The following CBFA2T3 variants were observed in gnomAD, a reference collection of about 807,000 sequenced individuals.
CBFA2T3 encodes the protein CBFA2/RUNX1 partner transcriptional co-repressor 3.
A neutral mutation model predicts 58.6 loss-of-function variants in CBFA2T3; 31 were observed. The ratio of observed to expected loss-of-function variants is 0.53; its 90% CI spans 0.40 to 0.71. The LOEUF (loss-of-function observed/expected upper bound fraction) is 0.71. Among genes scored for constraint, CBFA2T3 ranks in the 30% least tolerant of loss-of-function variants. The pLI is 0.00. For missense variants in CBFA2T3, 1,076 were observed against 963.1 expected (o/e 1.12, Z -1.55); for synonymous variants, 531 against 421.9 (o/e 1.26, Z -3.17).
At chr16:88,888,817 G>C (rs550370977) in intron 5 of CBFA2T3, among the ~76,000 whole-genome samples, 1 of 151,916 alleles carries the variant, frequency 6.6e-6, no homozygotes, top group Non-Finnish European at 1.5e-5. Context: ...GTGGGGGCAC[G>C]AGGTGGGCTG....
chr16:88,919,631 G>A lies in CBFA2T3; in HGVS notation c.152-17975C>T, dbSNP rs1032989600. On this transcript the variant is annotated intron_variant, in intron 1 of 11. Transcript: ENST00000268679. Reference sequence around the variant, plus strand: ...TGCACGCATGGTGCAGGGCAAGCGCGGGTGTTCCCTCCCACCCAGAGCAGC... The same window carrying A: ...TGCACGCATGGTGCAGGGCAAGCGCAGGTGTTCCCTCCCACCCAGAGCAGC... Among the ~76,000 whole-genome samples, 11 of 152,212 alleles carry A rather than the reference G, an allele frequency of 7.2e-5. No homozygotes were observed. The South Asian group carries it at 8.3e-4, about 11-fold the overall frequency.
At position 88,877,123 on chromosome 16, in the gene CBFA2T3, G is replaced by T; in HGVS notation, c.1815C>A (p.Asp605Glu). 1 of 1,548,534 alleles carries T rather than the reference G, an allele frequency of 6.5e-7. No individual in the cohort carries two copies. Among genetic ancestry groups the T allele is most frequent in the Non-Finnish European group, 8.7e-7 (1 of 1,146,644 alleles). Residue 605 changes from aspartate to glutamate, a missense_variant, in exon 12 of 12, where the codon GAC becomes GAA. Coordinates refer to ENST00000268679, the MANE Select transcript of CBFA2T3 (RefSeq NM_005187.6). ...SLQGPTAVVA[D>E]PVPGPPEAAH... ...CGGCTTCGGGCGGTCCAGGCACCGG[G>T]TCGGCCACCACGGCTGTGGGGCCCT...
chr16:88,958,120 G>A lies in CBFA2T3; in HGVS notation c.151+18537C>T, dbSNP rs943633567. ...TTTGTCAGCGCACCAGGGCAGTAGC[G>A]GGATGGGTGTCAAGGCCGTGCACAC... On this transcript the variant is annotated intron_variant, in intron 1 of 11. Transcript: ENST00000268679. This position sits in a 1 kb window ranked among gnomAD's most constrained non-coding sequence, Gnocchi z 4.0. Among the ~76,000 whole-genome samples, 6 of 152,174 alleles carry A rather than the reference G, an allele frequency of 3.9e-5. No individual in the cohort carries two copies. Among genetic ancestry groups the A allele is most frequent in the Non-Finnish European group, 5.9e-5 (4 of 68,042 alleles).
intron 11 of CBFA2T3, among the ~76,000 whole-genome samples, chr16:88,877,502 G>T (rs1968885113): frequency 6.6e-6 from 1 of 152,200 alleles, no homozygotes; most frequent in Non-Finnish European, 1.5e-5. Context: ...ACCCAGATAG[G>T]TCTGCGCTGT....
At chr16:88,922,404 T>G (rs186243407) in intron 1 of CBFA2T3, among the ~76,000 whole-genome samples, 4 of 152,286 alleles carry the variant, frequency 2.6e-5, no homozygotes, top group African/African-American at 9.6e-5. Flanking sequence ...AGGGCTTCGG[T>G]GCACTCACCA....
chr16:88,875,243 T>C lies in CBFA2T3; in HGVS notation c.*1733A>G, dbSNP rs374986905. On this transcript the variant is annotated 3_prime_UTR_variant, in exon 12 of 12. Coordinates refer to ENST00000268679, the MANE Select transcript of CBFA2T3 (RefSeq NM_005187.6). The stretch of plus-strand genomic sequence containing the variant: ...CAGATGCCAGGCTGCGGGCCGTGCC[T>C]GCTGTCTGTCCTTGTACTCGGTGCA... 223 of 232,280 alleles carry C rather than the reference T, an allele frequency of 9.6e-4. 8 individuals are homozygous for C. In the South Asian group the frequency reaches 0.037, roughly 39 times the overall value. The allele number at this position is 232,280 out of a possible 1,614,324, so 14.4% of individuals were successfully genotyped here. A position where few individuals can be genotyped will look rare whatever the true frequency, so the allele number is the denominator to read the frequency against.
At chr16:88,965,186 G>A (rs948728700) in intron 1 of CBFA2T3, among the ~76,000 whole-genome samples, 1 of 140,810 alleles carries the variant, frequency 7.1e-6, no homozygotes, top group Non-Finnish European at 1.5e-5. Context: ...GAGGCATTTG[G>A]ATCATTTAAT....
chr16:88,880,787 G>A lies in CBFA2T3; in HGVS notation c.1404C>T (p.Asp468=), dbSNP rs1369543012. The change falls in exon 10 of 12, where the codon GAC becomes GAT. Residue 468 remains aspartate, a splice_region_variant and synonymous_variant. Coordinates refer to ENST00000268679, the MANE Select transcript of CBFA2T3 (RefSeq NM_005187.6). Reference sequence around the variant, plus strand: ...TCCTCGGCAGGAACTCGCGAGGCACGTCTGAAACAGGGGCCGGCGTCACAC... The same window carrying A: ...TCCTCGGCAGGAACTCGCGAGGCACATCTGAAACAGGGGCCGGCGTCACAC... ...SSAGPEGPQL[D]VPREFLPRTL... is the part of the protein sequence containing the mutation. The A allele has an allele frequency of 9.5e-6, 15 of 1,581,134 alleles. No individual in the cohort carries two copies. The highest frequency in any genetic ancestry group is 5.8e-5 in the South Asian group (5 of 86,708).
intron 3 of CBFA2T3, among the ~76,000 whole-genome samples, chr16:88,896,861 G>A (rs78980961): frequency 0.048 from 7,275 of 152,270 alleles, 265 homozygotes; most frequent in East Asian, 0.12. Context: ...TCCTTCCGGC[G>A]GCCTGCTCGC....
At chr16:88,915,831 G>A (rs1970700312) in intron 1 of CBFA2T3, among the ~76,000 whole-genome samples, 1 of 151,942 alleles carries the variant, frequency 6.6e-6, no homozygotes, top group African/African-American at 2.4e-5. Flanking sequence ...GGGCTGTGTG[G>A]CTGGTCACCT....
chr16:88,905,910 C>A (rs963289220), intron 1 of CBFA2T3, among the ~76,000 whole-genome samples: 7 of 148,738 alleles, frequency 4.7e-5, no homozygotes, highest in Admixed American at 3.3e-4. Context: ...CACCCATTTC[C>A]TTGGCGCTGG....
At chr16:88,898,770 C>T (rs1292188932) in intron 2 of CBFA2T3, among the ~76,000 whole-genome samples, 11 of 152,192 alleles carry the variant, frequency 7.2e-5, no homozygotes, top group Non-Finnish European at 1.6e-4. Flanking sequence ...CGCCTGTAAT[C>T]CCAGCACTTT....
intron 1 of CBFA2T3, among the ~76,000 whole-genome samples, chr16:88,915,131 C>A (rs987359052): frequency 1.1e-4 from 16 of 149,988 alleles, no homozygotes; most frequent in Non-Finnish European, 1.3e-4. Context: ...AGGGAGGCAG[C>A]CGAATTGCAG....
At chr16:88,888,914 C>T (rs961729548) in intron 5 of CBFA2T3, among the ~76,000 whole-genome samples, 22 of 151,716 alleles carry the variant, frequency 1.5e-4, no homozygotes, top group South Asian at 4.2e-4. Flanking sequence ...TCACGAGAGC[C>T]GGGCCGCGGG....
intron 1 of CBFA2T3, among the ~76,000 whole-genome samples, chr16:88,976,436 T>G (rs1239982009): frequency 1.3e-5 from 2 of 151,100 alleles, no homozygotes; most frequent in Non-Finnish European, 3.0e-5. Context: ...CTGGGGCACC[T>G]GGCTGGCACC....
intron 1 of CBFA2T3, among the ~76,000 whole-genome samples, chr16:88,972,033 G>A (rs760159215): frequency 5.9e-5 from 9 of 152,336 alleles, no homozygotes; most frequent in East Asian, 5.8e-4. Context: ...AAGCTGGCCC[G>A]GATTGCACCC....
chr16:88,971,073 C>A (rs866636607), intron 1 of CBFA2T3, among the ~76,000 whole-genome samples: 5 of 152,146 alleles, frequency 3.3e-5, no homozygotes, highest in African/African-American at 1.2e-4. Context: ...CGTGGGTGTG[C>A]GCAGGTGTGA....
rs769047998 is a variant in CBFA2T3 at position 88,877,135 on chromosome 16, G to A, written c.1803C>T (p.Ala601=). 95 of 1,549,508 alleles carry A rather than the reference G, an allele frequency of 6.1e-5. No individual in the cohort carries two copies. The South Asian group carries it at 9.6e-4, about 16-fold the overall frequency. Residue 601 remains alanine, a synonymous_variant, in exon 12 of 12, where the codon GCC becomes GCT. Transcript: ENST00000268679. ...GTCCAGGCACCGGGTCGGCCACCAC[G>A]GCTGTGGGGCCCTGCAGGCTCTGGC... is the stretch of plus-strand genomic sequence containing the variant. ...VCGQSLQGPT[A]VVADPVPGPP... is the part of the protein sequence containing the mutation.
At chr16:88,975,159 CCCTGACCCTCTCTGCTCCACATCTTT>C in intron 1 of CBFA2T3, among the ~76,000 whole-genome samples, 1 of 139,494 alleles carries the variant, frequency 7.2e-6, no homozygotes, top group Non-Finnish European at 1.6e-5. Context: ...CAGAGGTCCA[CCCTGACCCTCTCTGCTCCACATCTTT>C]AGCCATGTCA....
Sources: allele counts gnomAD v4.1 joint callset (sites outside exome capture counted in the v4.1 genomes callset), GRCh38; gene constraint gnomAD v4.1.1; non-coding constraint Gnocchi (gnomAD v3.1); transcripts MANE v1.5; gene names NCBI Gene and HGNC (gene_info 2026-07-23, HGNC 2026-07-21).